The following MTFR1 variants were observed in gnomAD, a reference collection of about 807,000 sequenced individuals.
MTFR1 encodes the protein mitochondrial fission regulator 1.
Under a neutral mutation model 38.8 loss-of-function variants are expected in MTFR1, and 28 were observed. The observed-to-expected ratio is 0.72, with a 90% CI of 0.53 to 0.99. The LOEUF (loss-of-function observed/expected upper bound fraction) is 0.99. MTFR1 is among the 50% of genes least tolerant of loss of function. MTFR1 has a pLI of 0.00. For missense variants in MTFR1, 358 were observed against 395.5 expected, an observed-to-expected ratio of 0.91 and a Z score of 0.81; for synonymous variants, 145 against 137.0, an observed-to-expected ratio of 1.06 and a Z score of -0.41.
chr8:65,649,822 A>T (rs1432277535), intron 1 of MTFR1, among the ~76,000 whole-genome samples: 2 of 134,312 alleles, frequency 1.5e-5, no homozygotes, highest in African/African-American at 5.6e-5. Flanking sequence ...GCAGCACCTG[A>T]TAACCATCCT....
In MTFR1 at chr8:65,669,945, C is replaced by G; in HGVS notation, c.-8C>G. The G allele has an allele frequency of 3.7e-6, 6 of 1,603,664 alleles. No homozygotes were observed. Among genetic ancestry groups the G allele is most frequent in the Non-Finnish European group, 3.4e-6 (4 of 1,177,724 alleles). On this transcript the variant is annotated 5_prime_UTR_variant, in exon 2 of 8. Transcript: ENST00000262146. ...GAAATGCAAATTTGGGGAGACTTTG[C>G]CATATAAATGCTTGGCTGGATTAAG... is the stretch of plus-strand genomic sequence containing the variant.
At chr8:65,665,015 A>G (rs1804340197) in intron 1 of MTFR1, among the ~76,000 whole-genome samples, 1 of 148,312 alleles carries the variant, frequency 6.7e-6, no homozygotes. Context: ...GCTCACTGCA[A>G]CCTCTGCCTC....
At chr8:65,673,388 A>G (rs184119674) in intron 2 of MTFR1, among the ~76,000 whole-genome samples, 6 of 149,038 alleles carry the variant, frequency 4.0e-5, no homozygotes, top group African/African-American at 1.5e-4. Flanking sequence ...TCACCATAAT[A>G]GATATAATAA....
downstream of MTFR1, among the ~76,000 whole-genome samples, chr8:65,773,426 C>A (rs1017422573): frequency 3.9e-5 from 6 of 152,100 alleles, no homozygotes; most frequent in Non-Finnish European, 7.4e-5. Context: ...ATGATGAGAT[C>A]GAGAGGATAA....
chr8:65,686,579 C>CA (rs757100773), intron 3 of MTFR1, among the ~76,000 whole-genome samples: 1,608 of 61,574 alleles, frequency 0.026, 23 homozygotes, highest in African/African-American at 0.035. Flanking sequence ...GACTCCGTCT[C>CA]AAAAAAAAAA....
chr8:65,708,404 C>A, intron 7 of MTFR1: 1 of 311,906 alleles, frequency 3.2e-6, no homozygotes. Context: ...TATTTTGTGA[C>A]ATAGAAATTC....
chr8:65,708,165 G>A lies in MTFR1; in HGVS notation c.933+154G>A, dbSNP rs750994630. ...CCTGCCTTACAAGTAGATCACGGCTGGTTGGGAAAAGGATGACATCTTTGC... is the reference window on the plus strand; with the variant it reads ...CCTGCCTTACAAGTAGATCACGGCTAGTTGGGAAAAGGATGACATCTTTGC... On this transcript the variant is annotated intron_variant, in intron 7 of 7. Coordinates refer to ENST00000262146, the MANE Select transcript of MTFR1 (RefSeq NM_014637.4). 3 of 1,480,104 alleles carry A rather than the reference G, an allele frequency of 2.0e-6. No individual in the cohort carries two copies. In the African/African-American group the frequency reaches 4.2e-5, roughly 21 times the overall value. 91.7% of individuals were successfully genotyped at this position (1,480,104 alleles called of 1,614,324 possible).
chr8:65,707,543 C>T (rs553718490), intron 6 of MTFR1, among the ~76,000 whole-genome samples: 3 of 152,292 alleles, frequency 2.0e-5, no homozygotes, highest in South Asian at 4.1e-4. Flanking sequence ...TCAATAAAGG[C>T]GTGCTGTGTA....
At chr8:65,677,794 G>A (rs1804757676) in intron 2 of MTFR1, among the ~76,000 whole-genome samples, 1 of 151,484 alleles carries the variant, frequency 6.6e-6, no homozygotes, top group Admixed American at 6.6e-5. Context: ...GAGGTGGGTG[G>A]ATCATGAGGT....
chr8:65,666,504 C>A (rs1804386639), intron 1 of MTFR1, among the ~76,000 whole-genome samples: 1 of 152,216 alleles, frequency 6.6e-6, no homozygotes, highest in Admixed American at 6.5e-5. Flanking sequence ...AAAGCACAGA[C>A]TTACAGAAAC....
intron 3 of MTFR1, among the ~76,000 whole-genome samples, chr8:65,746,196 C>A (rs61224841): frequency 6.6e-6 from 1 of 151,328 alleles, no homozygotes; most frequent in African/African-American, 2.4e-5. Flanking sequence ...GGCCTCCGAA[C>A]GTGCTAGGAT....
intron 3 of MTFR1, chr8:65,765,716 T>G (rs1258227502): frequency 6.6e-6 from 1 of 152,116 alleles, no homozygotes; most frequent in Non-Finnish European, 1.5e-5. Flanking sequence ...TTTGGCAAAT[T>G]CCATGAAAAG....
At position 65,655,969 on chromosome 8, in the gene MTFR1, C is replaced by CATATATATATATATATATA; in HGVS notation, c.-81+11185_-81+11186insATATATATATATATATATA. Among the ~76,000 whole-genome samples, 10 of 56,470 alleles carry CATATATATATATATATATA rather than the reference C, an allele frequency of 1.8e-4. 1 individual carries two copies. The highest frequency in any genetic ancestry group is 1.0e-3 in the African/African-American group (10 of 9,844). The allele number at this position is 56,470 out of a possible 152,430, so 37.0% of individuals were successfully genotyped here. A position where few individuals can be genotyped will look rare whatever the true frequency, so the allele number is the denominator to read the frequency against. On this transcript the variant is annotated intron_variant, in intron 1 of 7. Transcript: ENST00000262146. ...AAAAAAAAATATATATATATATATACCATATATATATATATGGTAGTGGGT... is the reference window on the plus strand; with the variant it reads ...AAAAAAAAATATATATATATATATACATATATATATATATATATACATATATATATATATGGTAGTGGGT...
At chr8:65,689,879 T>C (rs1805221086) in intron 3 of MTFR1, among the ~76,000 whole-genome samples, 1 of 152,228 alleles carries the variant, frequency 6.6e-6, no homozygotes, top group Non-Finnish European at 1.5e-5. Flanking sequence ...AAAACTATTT[T>C]GTTTTGTGGG....
chr8:65,774,993 G>A (rs1234470305), downstream of MTFR1, among the ~76,000 whole-genome samples: 2 of 152,220 alleles, frequency 1.3e-5, no homozygotes, highest in Admixed American at 1.3e-4. Flanking sequence ...AAGTACTGCT[G>A]GATTAATTTA....
Position 65,693,315 on chromosome 8 carries a change from C to T in MTFR1, c.166-329C>T, listed in dbSNP as rs554317617. On this transcript the variant is annotated intron_variant, in intron 3 of 7. Coordinates refer to ENST00000262146, the MANE Select transcript of MTFR1 (RefSeq NM_014637.4). Reference sequence around the variant, plus strand: ...ACTCAGGAGGCTGAGGCAGAAGAATCGCTTGAACCCGGGAGGCGGAGGTTG... The same window carrying T: ...ACTCAGGAGGCTGAGGCAGAAGAATTGCTTGAACCCGGGAGGCGGAGGTTG... Among the ~76,000 whole-genome samples the T allele has an allele frequency of 2.6e-5, 4 of 151,830 alleles. No homozygotes were observed. The East Asian group carries it at 7.8e-4, about 29-fold the overall frequency.
At chr8:65,713,884 C>T (rs949976788), downstream of MTFR1, among the ~76,000 whole-genome samples, 22 of 151,912 alleles carry the variant, frequency 1.4e-4, no homozygotes, top group African/African-American at 4.6e-4. Context: ...GATGGGGTTT[C>T]GCCATGTTGG....
rs1230050293 is a variant in MTFR1 at position 65,679,360 on chromosome 8, G to GT, written c.67-2990dup. 3.3e-5 allele frequency: 5 copies of GT among 152,296 alleles called. No individual in the cohort carries two copies. In the East Asian group the frequency reaches 9.7e-4, roughly 29 times the overall value. 9.4% of individuals were successfully genotyped at this position (152,296 alleles called of 1,614,324 possible). A position where few individuals can be genotyped will look rare whatever the true frequency, so the allele number is the denominator to read the frequency against. On this transcript the variant is annotated intron_variant, in intron 2 of 7. Transcript: ENST00000262146. ...GTGGTGCACGCCTGTAATCCTAGGA[G>GT]TTTGGGAGGCTAAGACAGGTGGATC...
rs373638323 is a variant in MTFR1 at position 65,704,935 on chromosome 8, T to A, written c.517+6T>A. On this transcript the variant is annotated splice_donor_region_variant and intron_variant, in intron 5 of 7. Transcript: ENST00000262146. ...GCAGCAAAATCTCACTGCAGGTCTGTAAGTCCTACATTTGTTAGTTTTAAC... is the reference window on the plus strand; with the variant it reads ...GCAGCAAAATCTCACTGCAGGTCTGAAAGTCCTACATTTGTTAGTTTTAAC... 1.9e-5 allele frequency: 30 copies of A among 1,567,672 alleles called. No individual in the cohort carries two copies. Among genetic ancestry groups the A allele is most frequent in the African/African-American group, 2.7e-5 (2 of 73,900 alleles).
Sources: gnomAD v4.1 joint callset for allele counts (sites outside exome capture counted in the v4.1 genomes callset) on GRCh38, gnomAD v4.1.1 for gene constraint, MANE v1.5 for transcripts, NCBI Gene and HGNC (gene_info 2026-07-23, HGNC 2026-07-21) for gene names.